ASTN1: variants seen among roughly 807,000 people sequenced by gnomAD.
ASTN1 encodes astrotactin-1.
Under a neutral mutation model 140.7 loss-of-function variants are expected in ASTN1, and 41 were observed. That is an observed-to-expected ratio of 0.29 (90% CI 0.23 to 0.38). The LOEUF is 0.38. ASTN1 is among the 10% of genes least tolerant of loss of function. The pLI is 1.00. For synonymous variants in ASTN1, 640 were observed against 652.2 expected (o/e 0.98, Z 0.29); for missense variants, 1,479 against 1,678.8 (o/e 0.88, Z 2.08).
At chr1:177,072,540 A>T (rs988283034) in intron 1 of ASTN1, among the ~76,000 whole-genome samples, 20 of 152,318 alleles carry the variant, frequency 1.3e-4, no homozygotes, top group African/African-American at 4.8e-4. Flanking sequence ...TGGGAGAATG[A>T]TTTAAAAGAA....
intron 16 of ASTN1, among the ~76,000 whole-genome samples, chr1:176,916,696 A>G (rs1393602572): frequency 1.3e-5 from 2 of 151,912 alleles, no homozygotes; most frequent in Non-Finnish European, 2.9e-5. Flanking sequence ...CACCTGGTTT[A>G]CTCCAAAATT....
intron 8 of ASTN1, among the ~76,000 whole-genome samples, chr1:177,007,205 C>T (rs1349901590): frequency 6.6e-6 from 1 of 152,012 alleles, no homozygotes; most frequent in Non-Finnish European, 1.5e-5. Context: ...ACCAGCCTGA[C>T]CAACATGGAG....
Position 177,042,233 on chromosome 1 carries a change from C to G in ASTN1, c.472-9384G>C, listed in dbSNP as rs886475227. 3.3e-5 allele frequency among the ~76,000 whole-genome samples: 5 copies of G among 152,264 alleles called. No homozygotes were observed. In the South Asian group the frequency reaches 6.2e-4, roughly 19 times the overall value. ...TGTGGCCTTGATCATATTCTTGTCC[C>G]ACATATAGAGGTACAACTTGATTTT... On this transcript the variant is annotated intron_variant, in intron 2 of 22. Transcript: ENST00000361833.
intron 16 of ASTN1, among the ~76,000 whole-genome samples, chr1:176,900,331 G>C (rs963780503): frequency 1.3e-5 from 2 of 152,096 alleles, no homozygotes; most frequent in African/African-American, 4.8e-5. Context: ...AACTGTGGTC[G>C]TCATTTCCTC....
chr1:177,014,900 A>G, intron 7 of ASTN1, 25 bp from the exon 8 acceptor site: 1 of 1,577,632 alleles, frequency 6.3e-7, no homozygotes, highest in Non-Finnish European at 8.7e-7. Context: ...AAGGAGGAAG[A>G]AAGAGAAACA....
intron 4 of ASTN1, among the ~76,000 whole-genome samples, chr1:177,030,442 G>A (rs1676369560): frequency 6.6e-6 from 1 of 152,142 alleles, no homozygotes; most frequent in Admixed American, 6.5e-5. Context: ...TGGCTGCATG[G>A]TAAGTGCTGG....
intron 1 of ASTN1, among the ~76,000 whole-genome samples, chr1:177,061,605 A>G (rs949955463): frequency 7.7e-4 from 117 of 152,202 alleles, no homozygotes; most frequent in Non-Finnish European, 1.5e-5. Flanking sequence ...CTCCCGAGGT[A>G]AATACAAGGT....
At chr1:177,016,756 T>C (rs1212817443) in intron 7 of ASTN1, among the ~76,000 whole-genome samples, 2 of 152,172 alleles carry the variant, frequency 1.3e-5, no homozygotes, top group Non-Finnish European at 2.9e-5. Context: ...AGAAAATAAA[T>C]TAATTAAAGG....
intron 2 of ASTN1, among the ~76,000 whole-genome samples, chr1:177,058,425 C>A (rs1212518776): frequency 6.6e-6 from 1 of 152,076 alleles, no homozygotes; most frequent in Non-Finnish European, 1.5e-5. Flanking sequence ...AAGGAATAAT[C>A]TCTTCCATTT....
intron 16 of ASTN1, among the ~76,000 whole-genome samples, chr1:176,924,255 C>T (rs757229385): frequency 2.0e-5 from 3 of 152,302 alleles, no homozygotes; most frequent in South Asian, 2.1e-4. Context: ...ATAGGTCCTA[C>T]ATTATTCTAG....
At chr1:177,107,885 A>G (rs1419411035) in intron 1 of ASTN1, among the ~76,000 whole-genome samples, 6 of 152,196 alleles carry the variant, frequency 3.9e-5, no homozygotes, top group Admixed American at 6.5e-5. Context: ...CAAAGGAAAA[A>G]AGGAGAATGG....
chr1:177,041,505 G>A (rs1302096150), intron 2 of ASTN1, among the ~76,000 whole-genome samples: 1 of 152,176 alleles, frequency 6.6e-6, no homozygotes, highest in Admixed American at 6.5e-5. Flanking sequence ...ATGGGCTGTG[G>A]GCACCAGCCC....
At chr1:177,077,936 T>C (rs1443630883) in intron 1 of ASTN1, among the ~76,000 whole-genome samples, 1 of 151,974 alleles carries the variant, frequency 6.6e-6, no homozygotes, top group Non-Finnish European at 1.5e-5. Flanking sequence ...GAATGTGAAA[T>C]TGGGAATATG....
chr1:176,858,698 T>A (rs752344324), downstream of ASTN1, among the ~76,000 whole-genome samples: 1 of 152,160 alleles, frequency 6.6e-6, no homozygotes, highest in South Asian at 2.1e-4. Context: ...CTTGTGAAGG[T>A]AATCTATGTG....
At chr1:177,063,891 A>G (rs73047041) in intron 1 of ASTN1, among the ~76,000 whole-genome samples, 20,054 of 152,002 alleles carry the variant, frequency 0.13, 1,700 homozygotes, top group African/African-American at 0.24. Context: ...GCCTGCACCC[A>G]TTCCACCCGA....
intron 20 of ASTN1, among the ~76,000 whole-genome samples, chr1:176,878,345 G>A (rs974357924): frequency 6.6e-6 from 1 of 151,842 alleles, no homozygotes; most frequent in Non-Finnish European, 1.5e-5. Flanking sequence ...CTTATAAATG[G>A]TCTTACCTTG....
chr1:177,109,834 C>T (rs1680734948), intron 1 of ASTN1, among the ~76,000 whole-genome samples: 1 of 152,196 alleles, frequency 6.6e-6, no homozygotes, highest in Non-Finnish European at 1.5e-5. Context: ...ATTCTCTCCA[C>T]TGTTTTACTG....
At chr1:177,023,170 T>C (rs1194124710) in intron 7 of ASTN1, among the ~76,000 whole-genome samples, 1 of 152,210 alleles carries the variant, frequency 6.6e-6, no homozygotes, top group African/African-American at 2.4e-5. Context: ...ATCCTAAAAC[T>C]GAGTTTTCTG....
intron 8 of ASTN1, among the ~76,000 whole-genome samples, chr1:176,972,373 T>G (rs1673174410): frequency 6.6e-6 from 1 of 152,208 alleles, no homozygotes; most frequent in South Asian, 2.1e-4. Flanking sequence ...CTGCAGTCAT[T>G]TGTGCAAACA....
Sources: gnomAD v4.1 joint callset for allele counts (sites outside exome capture counted in the v4.1 genomes callset) on GRCh38, gnomAD v4.1.1 for gene constraint, MANE v1.5 for transcripts, NCBI Gene and HGNC (gene_info 2026-07-23, HGNC 2026-07-21) for gene names.